The following FAM210A variants were observed in gnomAD, a reference collection of about 807,000 sequenced individuals.
FAM210A encodes the protein family with sequence similarity 210 member A.
Under a neutral mutation model 25.3 loss-of-function variants are expected in FAM210A, and 13 were observed. The ratio of observed to expected loss-of-function variants is 0.51; its 90% confidence interval spans 0.33 to 0.82. The LOEUF is 0.82. Among genes scored for constraint, FAM210A ranks in the 40% least tolerant of loss-of-function variants. The probability of loss-of-function intolerance (pLI) is 0.02; values close to 1 mark genes in which losing one functional copy is unlikely to be tolerated. For missense variants in FAM210A, 319 were observed against 323.2 expected (o/e 0.99, Z 0.10); for synonymous variants, 125 against 118.7 (o/e 1.05, Z -0.35).
intron 1 of FAM210A, among the ~76,000 whole-genome samples, chr18:13,694,729 C>A (rs1327575179): frequency 6.6e-6 from 1 of 152,250 alleles, no homozygotes; most frequent in African/African-American, 2.4e-5. Flanking sequence ...AGATGGATTA[C>A]AGACTTAAAT....
intron 1 of FAM210A, among the ~76,000 whole-genome samples, chr18:13,710,852 C>T (rs770147325): frequency 6.6e-6 from 1 of 152,196 alleles, no homozygotes; most frequent in East Asian, 1.9e-4. Context: ...TGAGTAATAA[C>T]TCTATCTCCT....
chr18:13,690,048 T>A (rs557167752), intron 1 of FAM210A, among the ~76,000 whole-genome samples: 1 of 152,246 alleles, frequency 6.6e-6, no homozygotes, highest in East Asian at 1.9e-4. Flanking sequence ...AAATCGGGAC[T>A]CTCCCACCCT....
intron 1 of FAM210A, among the ~76,000 whole-genome samples, chr18:13,684,948 T>C (rs1273633903): frequency 1.3e-5 from 2 of 152,032 alleles, no homozygotes; most frequent in Non-Finnish European, 2.9e-5. Flanking sequence ...TTAAACAACA[T>C]ACTTCTAAAA....
chr18:13,680,579 C>T (rs1441102466), intron 2 of FAM210A, among the ~76,000 whole-genome samples: 2 of 152,154 alleles, frequency 1.3e-5, no homozygotes, highest in African/African-American at 4.8e-5. Context: ...CTACTTATAG[C>T]TTAGTCTGCA....
chr18:13,697,698 A>AAG (rs1323773523), intron 1 of FAM210A: 2 of 152,550 alleles, frequency 1.3e-5, no homozygotes, highest in Non-Finnish European at 2.9e-5. Flanking sequence ...AAAAAAAAAA[A>AAG]AAAATTCCAA....
intron 1 of FAM210A, among the ~76,000 whole-genome samples, chr18:13,722,122 T>C (rs1020055700): frequency 3.9e-5 from 6 of 151,980 alleles, no homozygotes; most frequent in Non-Finnish European, 7.4e-5. Context: ...CTTCTGCTTA[T>C]AGAGATCAAG....
At chr18:13,675,487 A>ATTT in intron 2 of FAM210A, among the ~76,000 whole-genome samples, 1 of 14,318 alleles carries the variant, frequency 7.0e-5, no homozygotes, top group Admixed American at 8.2e-4. Context: ...CCCCGACTTC[A>ATTT]TTTCCAGCTT....
intron 1 of FAM210A, among the ~76,000 whole-genome samples, chr18:13,704,128 A>G (rs2043760670): frequency 6.6e-6 from 1 of 152,218 alleles, no homozygotes; most frequent in African/African-American, 2.4e-5. Flanking sequence ...TTATCATAAT[A>G]ACATGTAATT....
chr18:13,666,488 C>T lies in FAM210A; in HGVS notation c.811G>A (p.Val271Met), dbSNP rs1200880169. ...CTGCTATATAAGGCACCTTATTCCACTTTTTTCTTAAAGGAAACTTTTTCT... is the reference window on the plus strand; with the variant it reads ...CTGCTATATAAGGCACCTTATTCCATTTTTTTCTTAAAGGAAACTTTTTCT... ...TKEKVSFKKK[V>M]E Residue 271 changes from valine to methionine, a missense_variant, in exon 4 of 4, where the codon GTG (valine) becomes ATG (methionine). Transcript: ENST00000651643. 1.2e-6 allele frequency: 2 copies of T among 1,613,126 alleles called. No individual in the cohort carries two copies. The highest frequency in any genetic ancestry group is 1.7e-5 in the Admixed American group (1 of 59,856).
At chr18:13,688,204 G>A (rs1478046845) in intron 1 of FAM210A, among the ~76,000 whole-genome samples, 1 of 152,180 alleles carries the variant, frequency 6.6e-6, no homozygotes, top group Non-Finnish European at 1.5e-5. Context: ...TGAGCAGGAA[G>A]CCTGAAACCC....
At chr18:13,695,809 T>C (rs1180470382) in intron 1 of FAM210A, among the ~76,000 whole-genome samples, 4 of 152,034 alleles carry the variant, frequency 2.6e-5, no homozygotes, top group Non-Finnish European at 5.9e-5. Flanking sequence ...CATGTATACA[T>C]ATGTAACAAA....
rs185450899 is a variant in FAM210A at position 13,681,252 on chromosome 18, T to C, written c.473+353A>G. On this transcript the variant is annotated intron_variant, in intron 2 of 3. Transcript: ENST00000651643. ...GAGATCAGACGCACCTAATTGGGTT[T>C]TTAGTCCAGGCACCACTTCTTAGCA... Among the ~76,000 whole-genome samples, 28 of 152,342 alleles carry C rather than the reference T, an allele frequency of 1.8e-4. No homozygotes were observed. The East Asian group carries it at 5.2e-3, about 28-fold the overall frequency.
At chr18:13,685,788 A>C (rs1391612274) in intron 1 of FAM210A, among the ~76,000 whole-genome samples, 1 of 152,198 alleles carries the variant, frequency 6.6e-6, no homozygotes, top group East Asian at 1.9e-4. Context: ...GACCCTGGTC[A>C]CTCATTTGGT....
intron 1 of FAM210A, among the ~76,000 whole-genome samples, chr18:13,717,381 G>C (rs892488230): frequency 3.3e-5 from 5 of 152,150 alleles, no homozygotes; most frequent in African/African-American, 1.2e-4. Flanking sequence ...GGGCTCAAGT[G>C]ATCTTCCCAC....
chr18:13,694,703 T>C (rs528877060), intron 1 of FAM210A, among the ~76,000 whole-genome samples: 1 of 152,318 alleles, frequency 6.6e-6, no homozygotes, highest in African/African-American at 2.4e-5. Flanking sequence ...TTACACCTTA[T>C]ATGAAAATTA....
chr18:13,701,928 G>A (rs552388527), intron 1 of FAM210A, among the ~76,000 whole-genome samples: 1 of 152,294 alleles, frequency 6.6e-6, no homozygotes, highest in South Asian at 2.1e-4. Context: ...GATAAAAAAT[G>A]GGTTAAAGAT....
chr18:13,673,165 T>C (rs2043457702), intron 2 of FAM210A, among the ~76,000 whole-genome samples: 1 of 151,792 alleles, frequency 6.6e-6, no homozygotes, highest in South Asian at 2.1e-4. Flanking sequence ...CCTGACCTAT[T>C]TCCAGTTTCC....
intron 1 of FAM210A, among the ~76,000 whole-genome samples, chr18:13,695,414 C>T (rs980940623): frequency 6.6e-5 from 10 of 152,276 alleles, no homozygotes; most frequent in Non-Finnish European, 8.8e-5. Context: ...CACATGCACA[C>T]GTATGTTTAT....
At chr18:13,679,244 AAACT>A (rs2043529417) in intron 2 of FAM210A, among the ~76,000 whole-genome samples, 1 of 152,206 alleles carries the variant, frequency 6.6e-6, no homozygotes, top group Non-Finnish European at 1.5e-5. Flanking sequence ...TTCCAGCTAC[AAACT>A]ATTTTTCTCC....
Sources: gnomAD v4.1 joint callset for allele counts (sites outside exome capture counted in the v4.1 genomes callset) on GRCh38, gnomAD v4.1.1 for gene constraint, MANE v1.5 for transcripts, NCBI Gene and HGNC (gene_info 2026-07-23, HGNC 2026-07-21) for gene names.